The following SGCD variants were observed in gnomAD, a reference collection of about 807,000 sequenced individuals.
The protein encoded by SGCD is sarcoglycan delta, also known as delta-sarcoglycan.
A neutral mutation model predicts 36.6 loss-of-function variants in SGCD; 18 were observed. The ratio of observed to expected loss-of-function variants is 0.49; its 90% CI spans 0.34 to 0.73. The LOEUF (loss-of-function observed/expected upper bound fraction) is 0.73. Among genes scored for constraint, SGCD ranks in the 30% least tolerant of loss-of-function variants. The pLI, the probability that SGCD is intolerant of heterozygous loss-of-function variation, is 0.01. For synonymous variants in SGCD, 133 were observed against 130.6 expected (o/e 1.02, Z -0.12); for missense variants, 387 against 346.7 (o/e 1.12, Z -0.92).
intron 1 of SGCD, among the ~76,000 whole-genome samples, chr5:156,021,077 T>G (rs1759085828): frequency 1.3e-5 from 2 of 152,164 alleles, no homozygotes; most frequent in Non-Finnish European, 2.9e-5. Context: ...CTGGAAGAAA[T>G]CACTGGGGAA....
At chr5:156,527,935 A>G (rs2113081181) in intron 4 of SGCD, among the ~76,000 whole-genome samples, 1 of 152,354 alleles carries the variant, frequency 6.6e-6, no homozygotes, top group African/African-American at 2.4e-5. Context: ...TTTTCTCGTG[A>G]AGACCTTCCC....
chr5:156,050,935 C>A (rs1475468349), intron 1 of SGCD, among the ~76,000 whole-genome samples: 1 of 146,420 alleles, frequency 6.8e-6, no homozygotes, highest in Non-Finnish European at 1.5e-5. Flanking sequence ...ACCTCAGGAT[C>A]CTTAATGTTA....
At chr5:156,279,287 A>C (rs1039518722) in intron 3 of SGCD, among the ~76,000 whole-genome samples, 1 of 152,196 alleles carries the variant, frequency 6.6e-6, no homozygotes, top group African/African-American at 2.4e-5. Flanking sequence ...TAAAATTTAC[A>C]TGTGACAAAT....
chr5:155,819,165 C>G, the SGCD span, among the ~76,000 whole-genome samples: 1 of 152,188 alleles, frequency 6.6e-6, no homozygotes, highest in Admixed American at 6.5e-5. Context: ...GTTTCTTCCA[C>G]TTCAAACATT....
intron 7 of SGCD, among the ~76,000 whole-genome samples, chr5:156,752,710 T>C (rs547585487): frequency 1.3e-5 from 2 of 152,330 alleles, no homozygotes; most frequent in South Asian, 2.1e-4. Context: ...TCATTCTTTA[T>C]ACCATATTTA....
At chr5:156,533,118 T>G (rs948973009) in intron 4 of SGCD, among the ~76,000 whole-genome samples, 1 of 152,172 alleles carries the variant, frequency 6.6e-6, no homozygotes, top group African/African-American at 2.4e-5. Context: ...CTTGCCAGTT[T>G]CATGAAGAGG....
rs1434430279 is a variant in SGCD at position 155,949,281 on chromosome 5, GT to G, written c.-282+78861del. Among the ~76,000 whole-genome samples the G allele has an allele frequency of 1.7e-3, 257 of 152,192 alleles. 6 individuals are homozygous for G. The highest frequency in any genetic ancestry group is 1.9e-4 in the Non-Finnish European group (13 of 68,008). On this transcript the variant is annotated intron_variant, in intron 1 of 9. Transcript: ENST00000517913. ...ATTTCCTGCTCAGAAAACATAGATG[GT>G]TTTCTTTTATTAATATACATAGCCT...
At chr5:156,151,695 T>C (rs890765543) in intron 3 of SGCD, among the ~76,000 whole-genome samples, 34 of 151,618 alleles carry the variant, frequency 2.2e-4, no homozygotes, top group African/African-American at 8.1e-4. Flanking sequence ...GAAGAAATGT[T>C]TACTAACAAA....
At chr5:155,755,998 A>G in the SGCD span, among the ~76,000 whole-genome samples, 1 of 152,212 alleles carries the variant, frequency 6.6e-6, no homozygotes, top group Non-Finnish European at 1.5e-5. Context: ...TGGTATTGGT[A>G]TCTTGTCATT....
chr5:155,921,996 G>C (rs1756889519), intron 1 of SGCD, among the ~76,000 whole-genome samples: 1 of 152,228 alleles, frequency 6.6e-6, no homozygotes, highest in Non-Finnish European at 1.5e-5. Flanking sequence ...TTGCACTTGA[G>C]ACACAGGTTT....
chr5:156,404,323 A>G (rs1561673505), intron 3 of SGCD, among the ~76,000 whole-genome samples: 1 of 152,202 alleles, frequency 6.6e-6, no homozygotes, highest in Non-Finnish European at 1.5e-5. Flanking sequence ...TGTCAGGGAA[A>G]TGTCAGTCTC....
In SGCD at chr5:155,947,438, G is replaced by A. The variant is rs540016442; in HGVS notation, c.-282+77014G>A. Among the ~76,000 whole-genome samples, 15 of 151,802 alleles carry A rather than the reference G, an allele frequency of 9.9e-5. No homozygotes were observed. The South Asian group carries it at 3.1e-3, about 32-fold the overall frequency. On this transcript the variant is annotated intron_variant, in intron 1 of 9. Transcript: ENST00000517913. ...CCTAAAAAAAGATGGAACTTTTTTGGTGAAGAATGAGATTACAGAGGAAAC... is the reference window on the plus strand; with the variant it reads ...CCTAAAAAAAGATGGAACTTTTTTGATGAAGAATGAGATTACAGAGGAAAC...
intron 2 of SGCD, among the ~76,000 whole-genome samples, chr5:156,336,432 T>A (rs910349442): frequency 6.6e-6 from 1 of 152,242 alleles, no homozygotes; most frequent in African/African-American, 2.4e-5. Flanking sequence ...ATTTTCATTA[T>A]GATAGGTAAC....
At chr5:156,012,325 G>A (rs1758877922) in intron 1 of SGCD, among the ~76,000 whole-genome samples, 1 of 152,120 alleles carries the variant, frequency 6.6e-6, no homozygotes, top group Admixed American at 6.5e-5. Flanking sequence ...TTATTACAGA[G>A]TAGCAATCAA....
intron 6 of SGCD, among the ~76,000 whole-genome samples, chr5:156,599,461 G>A (rs1280914226): frequency 6.6e-6 from 1 of 152,166 alleles, no homozygotes; most frequent in African/African-American, 2.4e-5. Context: ...TATTTAAGTT[G>A]ATAGCAAGTT....
intron 3 of SGCD, among the ~76,000 whole-genome samples, chr5:156,308,917 T>G (rs546714799): frequency 6.6e-6 from 1 of 152,336 alleles, no homozygotes; most frequent in South Asian, 2.1e-4. Context: ...AAATGGCAGA[T>G]TTGTAAAATA....
At chr5:156,060,778 T>C (rs906749188) in intron 1 of SGCD, among the ~76,000 whole-genome samples, 3 of 146,282 alleles carry the variant, frequency 2.1e-5, no homozygotes, top group Middle Eastern at 3.6e-3. Flanking sequence ...GGAAATAATA[T>C]ACTTTTTAAT....
chr5:156,681,291 C>T (rs192112251), intron 7 of SGCD, among the ~76,000 whole-genome samples: 4 of 152,250 alleles, frequency 2.6e-5, no homozygotes, highest in Non-Finnish European at 5.9e-5. Context: ...TCCCAGAAGC[C>T]CAGCCATCTC....
At chr5:156,500,093 C>T (rs1452212417) in intron 3 of SGCD, among the ~76,000 whole-genome samples, 5 of 152,066 alleles carry the variant, frequency 3.3e-5, no homozygotes, top group African/African-American at 4.8e-5. Flanking sequence ...ATTTTGTATG[C>T]GTCCAACCCC....
Sources: allele counts gnomAD v4.1 joint callset (sites outside exome capture counted in the v4.1 genomes callset), GRCh38; gene constraint gnomAD v4.1.1; transcripts MANE v1.5; gene names NCBI Gene and HGNC (gene_info 2026-07-23, HGNC 2026-07-21).